The following DPYD variants were observed in gnomAD, a reference collection of about 807,000 sequenced individuals.
DPYD encodes dihydropyrimidine dehydrogenase [NADP(+)].
DPYD carries 109 observed loss-of-function variants against 116.2 expected under a neutral mutation model. The ratio of observed to expected loss-of-function variants is 0.94; its 90% CI spans 0.80 to 1.10. DPYD has a LOEUF of 1.10. Ranked by LOEUF, DPYD falls within the 50% of genes least tolerant of loss-of-function variation. DPYD has a pLI of 0.00. For missense variants in DPYD, 1,302 were observed against 1,254.5 expected (o/e 1.04, Z -0.57); for synonymous variants, 440 against 432.0 (o/e 1.02, Z -0.23).
intron 8 of DPYD, among the ~76,000 whole-genome samples, chr1:97,667,497 G>T (rs1183787387): frequency 1.3e-5 from 2 of 152,030 alleles, no homozygotes; most frequent in Non-Finnish European, 2.9e-5. Context: ...AAAAGCAAAT[G>T]AAAAATCATT....
intron 13 of DPYD, among the ~76,000 whole-genome samples, chr1:97,492,439 C>G (rs1679025777): frequency 6.6e-6 from 1 of 152,110 alleles, no homozygotes; most frequent in Admixed American, 6.5e-5. Flanking sequence ...ACTCCCTATT[C>G]ACATAACACA....
At chr1:97,415,453 G>A (rs1012373406) in intron 14 of DPYD, among the ~76,000 whole-genome samples, 6 of 151,980 alleles carry the variant, frequency 3.9e-5, no homozygotes, top group South Asian at 2.1e-4. Context: ...TCTGCCTCCC[G>A]AGTAGCTGGG....
chr1:97,594,333 G>T (rs1654728693), intron 9 of DPYD, among the ~76,000 whole-genome samples: 1 of 152,096 alleles, frequency 6.6e-6, no homozygotes, highest in Non-Finnish European at 1.5e-5. Context: ...TCTACTGAGA[G>T]GCAGAAGGTG....
At chr1:97,359,987 T>C (rs536009924) in intron 16 of DPYD, among the ~76,000 whole-genome samples, 1 of 152,296 alleles carries the variant, frequency 6.6e-6, no homozygotes, top group South Asian at 2.1e-4. Context: ...ATGGGCTAAA[T>C]GTTCCAATTA....
At chr1:97,279,610 G>A (rs1283989253) in intron 18 of DPYD, among the ~76,000 whole-genome samples, 4 of 152,054 alleles carry the variant, frequency 2.6e-5, no homozygotes, top group Non-Finnish European at 2.9e-5. Flanking sequence ...TCCGGAGTTC[G>A]AGCGATTCTC....
chr1:97,483,683 G>A (rs545301858), intron 13 of DPYD, among the ~76,000 whole-genome samples: 2 of 152,272 alleles, frequency 1.3e-5, no homozygotes, highest in East Asian at 3.9e-4. Flanking sequence ...TGGCTTTTAA[G>A]AGGTGATTAG....
intron 18 of DPYD, among the ~76,000 whole-genome samples, chr1:97,262,325 G>A (rs74104326): frequency 0.061 from 9,272 of 152,068 alleles, 653 homozygotes; most frequent in African/African-American, 0.16. Context: ...GCCAATGGAA[G>A]TATCTATCTC....
At chr1:97,287,742 G>C (rs1435003954) in intron 18 of DPYD, among the ~76,000 whole-genome samples, 2 of 152,162 alleles carry the variant, frequency 1.3e-5, no homozygotes, top group Non-Finnish European at 2.9e-5. Flanking sequence ...CCAGGTGCAG[G>C]ATATAATCTC....
intron 7 of DPYD, among the ~76,000 whole-genome samples, chr1:97,684,027 A>G (rs901268779): frequency 6.6e-6 from 1 of 152,130 alleles, no homozygotes; most frequent in Admixed American, 6.6e-5. Context: ...TTTACAGCAA[A>G]TAACAAATAA....
intron 14 of DPYD, among the ~76,000 whole-genome samples, chr1:97,437,134 T>TA (rs1394721369): frequency 6.6e-6 from 1 of 151,812 alleles, no homozygotes; most frequent in African/African-American, 2.4e-5. Context: ...ATAATGAACA[T>TA]ATCTATTTTG....
intron 21 of DPYD, among the ~76,000 whole-genome samples, chr1:97,097,468 T>C (rs1650348702): frequency 6.6e-6 from 1 of 151,732 alleles, no homozygotes; most frequent in African/African-American, 2.4e-5. Context: ...GATGTAGGAG[T>C]AGAGTGTCAT....
chr1:97,252,405 A>C (rs1663158104), intron 18 of DPYD, among the ~76,000 whole-genome samples: 1 of 152,182 alleles, frequency 6.6e-6, no homozygotes, highest in Non-Finnish European at 1.5e-5. Flanking sequence ...TCTAAGCAAA[A>C]TGTGATGCAT....
intron 9 of DPYD, among the ~76,000 whole-genome samples, chr1:97,593,747 A>G (rs1021053337): frequency 2.6e-5 from 4 of 152,192 alleles, no homozygotes; most frequent in African/African-American, 9.6e-5. Context: ...AGAAGAAAAA[A>G]GTGATCCTTA....
chr1:97,322,184 T>G (rs1668326377), intron 16 of DPYD, among the ~76,000 whole-genome samples: 1 of 147,724 alleles, frequency 6.8e-6, no homozygotes, highest in Non-Finnish European at 1.5e-5. Context: ...TGTATACATA[T>G]GTAACTAACC....
At chr1:97,836,593 CAATT>C (rs1235955434) in intron 2 of DPYD, among the ~76,000 whole-genome samples, 1 of 151,872 alleles carries the variant, frequency 6.6e-6, no homozygotes, top group Non-Finnish European at 1.5e-5. Flanking sequence ...GTTTAAAAAA[CAATT>C]AACATATGAA....
At chr1:97,872,271 G>A (rs553497790) in intron 2 of DPYD, among the ~76,000 whole-genome samples, 106 of 152,042 alleles carry the variant, frequency 7.0e-4, no homozygotes, top group African/African-American at 2.5e-3. Context: ...GTTTTTTCCA[G>A]TTCAGTTTAA....
intron 18 of DPYD, among the ~76,000 whole-genome samples, chr1:97,271,789 T>C (rs1020482011): frequency 1.3e-5 from 2 of 152,138 alleles, no homozygotes; most frequent in Admixed American, 6.6e-5. Flanking sequence ...TGAATCACAA[T>C]ATCCAAATGG....
Position 97,546,764 on chromosome 1 carries a change from CTG to C in DPYD, c.1524+2794_1524+2795del. On this transcript the variant is annotated intron_variant, in intron 12 of 22. Coordinates refer to ENST00000370192, the MANE Select transcript of DPYD (RefSeq NM_000110.4). ...GGCAAGCCTGGAAATTATCAGTATA[CTG>C]TGTTTCTGAGATCAGACTCCTATAT... The C allele has an allele frequency of 1.9e-6, 3 of 1,613,138 alleles. No homozygotes were observed. In the South Asian group the frequency reaches 3.3e-5, roughly 18 times the overall value.
In DPYD at chr1:97,699,675, G is replaced by T. The variant is rs560574633; in HGVS notation, c.484-128C>A. On this transcript the variant is annotated intron_variant, in intron 5 of 22. Transcript: ENST00000370192. ...GCAGTACATTTTCAGTATTAATATGGTATACTTACAACTTTTATTGTGTCA... is the reference window on the plus strand; with the variant it reads ...GCAGTACATTTTCAGTATTAATATGTTATACTTACAACTTTTATTGTGTCA... The T allele has an allele frequency of 4.5e-6, 4 of 898,310 alleles. No homozygotes were observed. The African/African-American group carries it at 5.0e-5, about 11-fold the overall frequency. The allele number at this position is 898,310 out of a possible 1,614,324, so 55.6% of individuals were successfully genotyped here. A position where few individuals can be genotyped will look rare whatever the true frequency, so the allele number is the denominator to read the frequency against.
Sources: allele counts gnomAD v4.1 joint callset (sites outside exome capture counted in the v4.1 genomes callset), GRCh38; gene constraint gnomAD v4.1.1; transcripts MANE v1.5; gene names NCBI Gene and HGNC (gene_info 2026-07-23, HGNC 2026-07-21).